The following IQANK1 variants were observed in gnomAD, a reference collection of about 807,000 sequenced individuals.
The protein encoded by IQANK1 is IQ motif and ankyrin repeat domain-containing protein 1.
In IQANK1, 30 loss-of-function variants were observed where a neutral mutation model predicts 22.6. The ratio of observed to expected loss-of-function variants is 1.33; its 90% CI spans 0.99 to 1.80. The LOEUF is 1.80. IQANK1 is among the 40% of genes most tolerant of loss of function. The probability of loss-of-function intolerance (pLI) is 0.00; values close to 1 mark genes in which losing one functional copy is unlikely to be tolerated. For missense variants in IQANK1, 275 were observed against 235.2 expected, an observed-to-expected ratio of 1.17 and a Z score of -1.11; for synonymous variants, 122 against 99.6, an observed-to-expected ratio of 1.23 and a Z score of -1.34.
chr8:143,758,706 T>G lies in IQANK1; in HGVS notation c.176-12782T>G, dbSNP rs1554628664. On this transcript the variant is annotated intron_variant, in intron 3 of 13. Transcript: ENST00000527139. The surrounding 1 kb of genome is among the most constrained non-coding windows in gnomAD (Gnocchi z 4.2). ...AGTGACACCTGGCCCCTGACAAGCC[T>G]GAGTCACAGGTCCCTGTGCAGGTCC... The G allele has an allele frequency of 6.6e-6, 1 of 152,290 alleles. No individual in the cohort carries two copies. Among genetic ancestry groups the G allele is most frequent in the Non-Finnish European group, 1.5e-5 (1 of 68,100 alleles). The allele number at this position is 152,290 out of a possible 1,614,324, so 9.4% of individuals were successfully genotyped here. A position where few individuals can be genotyped will look rare whatever the true frequency, so the allele number is the denominator to read the frequency against.
intron 3 of IQANK1, among the ~76,000 whole-genome samples, chr8:143,747,522 A>C (rs782404643): frequency 6.6e-6 from 1 of 152,028 alleles, no homozygotes; most frequent in African/African-American, 2.4e-5. Flanking sequence ...CCCCCTTAGC[A>C]CTGCTTTTGC....
At chr8:143,744,262 A>C (rs1235923952) in intron 3 of IQANK1, 1 of 154,180 alleles carries the variant, frequency 6.5e-6, no homozygotes, top group Non-Finnish European at 1.4e-5. Flanking sequence ...TTTTTGCTGA[A>C]TCACGTCAAG....
rs1448716214 is a variant in IQANK1, at chr8:143,789,997, T to C, written c.1222T>C (p.Cys408Arg). The C allele has an allele frequency of 5.7e-6, 7 of 1,231,920 alleles. No homozygotes were observed. Among genetic ancestry groups the C allele is most frequent in the Non-Finnish European group, 6.1e-6 (6 of 988,034 alleles). The allele number at this position is 1,231,920 out of a possible 1,614,324, so 76.3% of individuals were successfully genotyped here. The stretch of plus-strand genomic sequence containing the variant: ...GGAGGAAGAGGCGCCTGGGCTGAAG[T>C]GCCAGGTCACCGAGCTGCACGATGT... The part of the protein sequence containing the change: ...EGEEEAPGLK[C>R]QVTELHDVLM... Residue 408 changes from cysteine to arginine, a missense_variant, in exon 12 of 14, where the codon TGC becomes CGC. Cys to Arg is a radical substitution (Grantham distance 180). Coordinates refer to ENST00000527139, the MANE Select transcript of IQANK1 (RefSeq NM_001381874.1).
At position 143,774,748 on chromosome 8, in the gene IQANK1, T is replaced by G. The variant is rs1819652181; in HGVS notation, c.789+2266T>G. Among the ~76,000 whole-genome samples, 1 of 152,198 alleles carries G rather than the reference T, an allele frequency of 6.6e-6. No homozygotes were observed. The highest frequency in any genetic ancestry group is 1.5e-5 in the Non-Finnish European group (1 of 68,034). Reference sequence around the variant, plus strand: ...ACAATAGCCAAAAAGTGGAAACGACTCAGATGTCCTCCAGCAGGCGAGTGG... The same window carrying G: ...ACAATAGCCAAAAAGTGGAAACGACGCAGATGTCCTCCAGCAGGCGAGTGG... On this transcript the variant is annotated intron_variant, in intron 7 of 13. Transcript: ENST00000527139. This position sits in a 1 kb window ranked among gnomAD's most constrained non-coding sequence, Gnocchi z 4.2.
At chr8:143,754,209 A>C (rs1554628324) in intron 3 of IQANK1, among the ~76,000 whole-genome samples, 1 of 152,168 alleles carries the variant, frequency 6.6e-6, no homozygotes, top group East Asian at 1.9e-4. Context: ...CAATGTGGGG[A>C]GGGGCCATGA....
chr8:143,789,195 C>T lies in IQANK1; in HGVS notation c.945C>T (p.Thr315=), dbSNP rs966860084. 7.5e-6 allele frequency: 3 copies of T among 399,328 alleles called. No homozygotes were observed. The highest frequency in any genetic ancestry group is 1.3e-5 in the Non-Finnish European group (3 of 226,406). The allele number at this position is 399,328 out of a possible 1,614,324, so 24.7% of individuals were successfully genotyped here. A position where few individuals can be genotyped will look rare whatever the true frequency, so the allele number is the denominator to read the frequency against. The part of the protein sequence containing the change: ...EAEAERCGSM[T]LKVQQLTREQ... Reference sequence around the variant, plus strand: ...GCTCATTCCTGCTCCTTAGTATGACCCTCAAGGTCCAACAGCTGACCAGGG... The same window carrying T: ...GCTCATTCCTGCTCCTTAGTATGACTCTCAAGGTCCAACAGCTGACCAGGG... The change falls in exon 9 of 14, where the codon ACC becomes ACT. Residue 315 remains threonine, a synonymous_variant. Transcript: ENST00000527139.
intron 3 of IQANK1, chr8:143,742,504 G>A (rs1554626693): frequency 4.4e-6 from 2 of 456,058 alleles, no homozygotes; most frequent in Admixed American, 4.7e-5. Flanking sequence ...TGTCATCTGG[G>A]CTGGGCCCCA....
chr8:143,743,139 A>C, intron 3 of IQANK1: 1 of 425,590 alleles, frequency 2.3e-6, no homozygotes, highest in Non-Finnish European at 4.8e-6. Context: ...GACGTCGAGG[A>C]AAGCCAGCCG....
intron 2 of IQANK1, among the ~76,000 whole-genome samples, chr8:143,737,341 G>A (rs1258394061): frequency 6.6e-6 from 1 of 152,196 alleles, no homozygotes; most frequent in Non-Finnish European, 1.5e-5. Context: ...ACACTGCCCT[G>A]GACGGCTCTG....
At chr8:143,786,044 G>C (rs1432495082) in intron 7 of IQANK1, among the ~76,000 whole-genome samples, 3 of 151,878 alleles carry the variant, frequency 2.0e-5, no homozygotes, top group African/African-American at 4.8e-5. Flanking sequence ...TTATTTGTTT[G>C]TAGAGACAGG....
intron 9 of IQANK1, 75 bp downstream of exon 9, chr8:143,789,318 G>GGCCAGGAAGCTGGGGGAAGA: frequency 2.2e-6 from 1 of 459,324 alleles, no homozygotes; most frequent in Non-Finnish European, 3.6e-6. Context: ...GCCGAGGGAG[G>GGCCAGGAAGCTGGGGGAAGA]GCCAGGAAGC....
At chr8:143,778,150 G>A (rs1168930747) in intron 7 of IQANK1, among the ~76,000 whole-genome samples, 1 of 151,202 alleles carries the variant, frequency 6.6e-6, no homozygotes, top group Admixed American at 6.6e-5. Flanking sequence ...AGCCAAGATC[G>A]CACCACTGCA....
At chr8:143,753,481 G>A (rs1330114067) in intron 3 of IQANK1, among the ~76,000 whole-genome samples, 7 of 142,262 alleles carry the variant, frequency 4.9e-5, no homozygotes, top group African/African-American at 8.0e-5. Flanking sequence ...TTTTTGAGAC[G>A]GAGTCTCGCT....
intron 3 of IQANK1, among the ~76,000 whole-genome samples, chr8:143,740,250 G>T (rs1243977943): frequency 6.6e-6 from 1 of 151,992 alleles, no homozygotes; most frequent in Non-Finnish European, 1.5e-5. Context: ...TCGCCCTCGC[G>T]GGGGTCGGGG....
chr8:143,764,456 A>C (rs1455698533), intron 3 of IQANK1, among the ~76,000 whole-genome samples: 4 of 151,248 alleles, frequency 2.6e-5, no homozygotes, highest in African/African-American at 7.3e-5. Flanking sequence ...CGCTACAAAA[A>C]AAAAAAAAAA....
At chr8:143,748,916 T>TC (rs1554627653) in intron 3 of IQANK1, among the ~76,000 whole-genome samples, 19 of 76,158 alleles carry the variant, frequency 2.5e-4, no homozygotes, top group Middle Eastern at 0.019. Context: ...CATATATATC[T>TC]ATATATAAAT....
In IQANK1 at chr8:143,744,809, TG is replaced by T. The variant is rs1473156289; in HGVS notation, c.175+4862del. 9 of 152,322 alleles carry T rather than the reference TG, an allele frequency of 5.9e-5. No individual in the cohort carries two copies. In the East Asian group the frequency reaches 1.7e-3, roughly 29 times the overall value. The allele number at this position is 152,322 out of a possible 1,614,324, so 9.4% of individuals were successfully genotyped here. On this transcript the variant is annotated intron_variant, in intron 3 of 13. Transcript: ENST00000527139. The stretch of plus-strand genomic sequence containing the variant: ...TACTCCTCCGGCCAAGGAGCCAATG[TG>T]AGCATTCAGCTGGCAGCTAAGAATG...
chr8:143,738,501 G>A (rs1333960123), intron 2 of IQANK1, among the ~76,000 whole-genome samples: 2 of 152,188 alleles, frequency 1.3e-5, no homozygotes, highest in Non-Finnish European at 2.9e-5. Flanking sequence ...GGGACTCCAC[G>A]GCGCGGTGGC....
chr8:143,779,757 AG>A (rs879989303), intron 7 of IQANK1, among the ~76,000 whole-genome samples: 12 of 152,236 alleles, frequency 7.9e-5, no homozygotes, highest in Non-Finnish European at 1.6e-4. Context: ...GACTAATAAC[AG>A]CTTTTTGAAG....
Sources: allele counts gnomAD v4.1 joint callset (sites outside exome capture counted in the v4.1 genomes callset), GRCh38; gene constraint gnomAD v4.1.1; non-coding constraint Gnocchi (gnomAD v3.1); transcripts MANE v1.5; gene names NCBI Gene and HGNC (gene_info 2026-07-23, HGNC 2026-07-21).